Variants in CHST11 observed in about 807,000 individuals in gnomAD.
The protein encoded by CHST11 is carbohydrate sulfotransferase 11, also known as C4S-1.
CHST11 carries 9 observed loss-of-function variants against 30.4 expected under a neutral mutation model. The ratio of observed to expected loss-of-function variants is 0.30; its 90% CI spans 0.18 to 0.52. The LOEUF (loss-of-function observed/expected upper bound fraction) is 0.52, where lower values mean the gene tolerates loss of function less well. CHST11 is among the 20% of genes least tolerant of loss of function. The pLI, the probability that CHST11 is intolerant of heterozygous loss-of-function variation, is 0.97. For synonymous variants in CHST11, 152 were observed against 187.8 expected (o/e 0.81, Z 1.56); for missense variants, 348 against 460.6 (o/e 0.76, Z 2.24).
rs898314123 is a variant in CHST11, at chr12:104,543,293, C to A, written c.119-58613C>A. Among the ~76,000 whole-genome samples the A allele has an allele frequency of 1.3e-4, 20 of 152,340 alleles. 2 individuals are homozygous for A. The highest frequency in any genetic ancestry group is 1.2e-3 in the Admixed American group (19 of 15,304). On this transcript the variant is annotated intron_variant, in intron 1 of 2. Coordinates refer to ENST00000303694, the MANE Select transcript of CHST11 (RefSeq NM_018413.6). Reference sequence around the variant, plus strand: ...TCTTGAGGTATCAGCCTCCATGACGCAAACACCTCCCCCTAGGCCCACGCC... The same window carrying A: ...TCTTGAGGTATCAGCCTCCATGACGAAAACACCTCCCCCTAGGCCCACGCC...
intron 2 of CHST11, among the ~76,000 whole-genome samples, chr12:104,705,162 C>A (rs1425951636): frequency 6.6e-6 from 1 of 152,116 alleles, no homozygotes; most frequent in Non-Finnish European, 1.5e-5. Flanking sequence ...GCCTACGGAG[C>A]CTGCTTTTGG....
chr12:104,615,414 G>C (rs1207209873), intron 2 of CHST11, among the ~76,000 whole-genome samples: 2 of 152,210 alleles, frequency 1.3e-5, no homozygotes, highest in Non-Finnish European at 2.9e-5. Flanking sequence ...CAAGCTCAGT[G>C]CTTGCCTGGA....
At chr12:104,691,061 C>T (rs1356288967) in intron 2 of CHST11, among the ~76,000 whole-genome samples, 1 of 152,174 alleles carries the variant, frequency 6.6e-6, no homozygotes, top group African/African-American at 2.4e-5. Context: ...CTTCTTTCCT[C>T]CCAACTCTCA....
At chr12:104,753,995 T>C (rs905596250) in intron 2 of CHST11, among the ~76,000 whole-genome samples, 1 of 152,222 alleles carries the variant, frequency 6.6e-6, no homozygotes, top group Admixed American at 6.5e-5. Context: ...GGATCCGTGG[T>C]TCAGTAGCCC....
At chr12:104,594,902 G>C (rs1381030182) in intron 1 of CHST11, among the ~76,000 whole-genome samples, 1 of 152,170 alleles carries the variant, frequency 6.6e-6, no homozygotes, top group Non-Finnish European at 1.5e-5. Context: ...GGTTGAGATT[G>C]GGCCACTGCC....
chr12:104,488,636 T>C (rs992412026), intron 1 of CHST11, among the ~76,000 whole-genome samples: 12 of 133,036 alleles, frequency 9.0e-5, no homozygotes, highest in Non-Finnish European at 1.5e-4. Context: ...TATGTGTGTG[T>C]GCGTGTGTAT....
chr12:104,717,506 G>T (rs142262234), intron 2 of CHST11, among the ~76,000 whole-genome samples: 1 of 152,160 alleles, frequency 6.6e-6, no homozygotes, highest in Non-Finnish European at 1.5e-5. Flanking sequence ...GGGCGCTGTG[G>T]CTCACACCTG....
intron 1 of CHST11, among the ~76,000 whole-genome samples, chr12:104,597,717 G>A (rs141072288): frequency 9.2e-5 from 14 of 152,318 alleles, no homozygotes; most frequent in African/African-American, 3.1e-4. Flanking sequence ...AAAACTTGTC[G>A]AATGAATGAG....
intron 1 of CHST11, among the ~76,000 whole-genome samples, chr12:104,481,059 C>G (rs927975363): frequency 6.6e-6 from 1 of 152,220 alleles, no homozygotes; most frequent in Admixed American, 6.5e-5. Context: ...CACTTAACCT[C>G]TCTGTGCCGT....
chr12:104,711,718 TA>T lies in CHST11; in HGVS notation c.205-45222del, dbSNP rs938722911. ...TAAAGACAAGTGATGCTTTAAAAAT[TA>T]AAAAAAAATAAAAAATAAAAAACTT... is the stretch of plus-strand genomic sequence containing the variant. On this transcript the variant is annotated intron_variant, in intron 2 of 2. Transcript: ENST00000303694. Among the ~76,000 whole-genome samples, 640 of 150,752 alleles carry T rather than the reference TA, an allele frequency of 4.2e-3. 6 individuals carry two copies. The highest frequency in any genetic ancestry group is 0.014 in the African/African-American group (568 of 41,038).
Position 104,488,739 on chromosome 12 carries a change from G to A in CHST11, c.118+31210G>A, listed in dbSNP as rs969491227. Among the ~76,000 whole-genome samples, 14 of 87,244 alleles carry A rather than the reference G, an allele frequency of 1.6e-4. No individual in the cohort carries two copies. In the East Asian group the frequency reaches 2.4e-3, roughly 15 times the overall value. The allele number at this position is 87,244 out of a possible 152,430, so 57.2% of individuals were successfully genotyped here. A position where few individuals can be genotyped will look rare whatever the true frequency, so the allele number is the denominator to read the frequency against. On this transcript the variant is annotated intron_variant, in intron 1 of 2. Transcript: ENST00000303694. ...TGTGCGTGTATGTGTGTATGTGTAC[G>A]CGTGTGTGTGTGTGTGTGTGTGTGT...
At chr12:104,543,432 G>A (rs1036488790) in intron 1 of CHST11, among the ~76,000 whole-genome samples, 1 of 152,138 alleles carries the variant, frequency 6.6e-6, no homozygotes, top group Admixed American at 6.5e-5. Flanking sequence ...GGCATTTTTG[G>A]CAACATGTCA....
At chr12:104,688,756 T>C (rs2039870882) in intron 2 of CHST11, among the ~76,000 whole-genome samples, 1 of 152,182 alleles carries the variant, frequency 6.6e-6, no homozygotes, top group Non-Finnish European at 1.5e-5. Flanking sequence ...GTCACAGCCA[T>C]ATAAGGAAAA....
At chr12:104,480,159 A>G (rs1007759158) in intron 1 of CHST11, among the ~76,000 whole-genome samples, 3 of 152,128 alleles carry the variant, frequency 2.0e-5, no homozygotes, top group African/African-American at 7.2e-5. Flanking sequence ...TATCTTTCAT[A>G]AACATCTGCT....
At chr12:104,712,829 T>C (rs925978165) in intron 2 of CHST11, among the ~76,000 whole-genome samples, 12 of 152,074 alleles carry the variant, frequency 7.9e-5, no homozygotes, top group Admixed American at 6.5e-4. Flanking sequence ...ATTTATGGGG[T>C]GATGCCAGTT....
intron 1 of CHST11, among the ~76,000 whole-genome samples, chr12:104,565,673 G>T (rs539510466): frequency 6.6e-6 from 1 of 152,286 alleles, no homozygotes; most frequent in South Asian, 2.1e-4. Flanking sequence ...CAGGCAGCGG[G>T]GCAGGGAGTA....
At position 104,757,280 on chromosome 12, in the gene CHST11, A is replaced by G. The variant is rs761946477; in HGVS notation, c.536A>G (p.Tyr179Cys). Residue 179 changes from tyrosine (Y) to cysteine (C), a missense_variant, in exon 3 of 3, where the codon TAC (tyrosine) becomes TGC (cysteine). By Grantham distance (194) the Tyr-to-Cys change is radical. Transcript: ENST00000303694. The surrounding 1 kb of genome is among the most constrained non-coding windows in gnomAD (Gnocchi z 6.5). ...GAAATCAACCACCGCTTGAAAAGCTACATGAAGTTCCTGTTTGTCCGGGAG... is the reference window on the plus strand; with the variant it reads ...GAAATCAACCACCGCTTGAAAAGCTGCATGAAGTTCCTGTTTGTCCGGGAG... Reference protein sequence around the residue: ...IPEINHRLKSYMKFLFVREPF... With the variant: ...IPEINHRLKSCMKFLFVREPF... The G allele has an allele frequency of 6.2e-7, 1 of 1,614,158 alleles. No homozygotes were observed.
intron 2 of CHST11, among the ~76,000 whole-genome samples, chr12:104,705,104 A>C (rs2040021288): frequency 6.6e-6 from 1 of 152,206 alleles, no homozygotes; most frequent in African/African-American, 2.4e-5. Flanking sequence ...CTGATTAATA[A>C]CAGCACCTTC....
chr12:104,679,863 G>T (rs1472298304), intron 2 of CHST11, among the ~76,000 whole-genome samples: 1 of 152,156 alleles, frequency 6.6e-6, no homozygotes, highest in Non-Finnish European at 1.5e-5. Context: ...CTTGTCAAAG[G>T]GTGGCGGCCC....
Sources: gnomAD v4.1 joint callset for allele counts (sites outside exome capture counted in the v4.1 genomes callset) on GRCh38, gnomAD v4.1.1 for gene constraint, Gnocchi (gnomAD v3.1) non-coding constraint, MANE v1.5 for transcripts, NCBI Gene and HGNC (gene_info 2026-07-23, HGNC 2026-07-21) for gene names.